Variants in ZNF548 observed in about 807,000 individuals in gnomAD.
ZNF548 encodes the protein zinc finger protein 548.
Under a neutral mutation model 10.2 loss-of-function variants are expected in ZNF548, and 10 were observed. The observed-to-expected ratio is 0.98, with a 90% CI of 0.60 to 1.66. The LOEUF (loss-of-function observed/expected upper bound fraction) is 1.66, where lower values mean the gene tolerates loss of function less well. Among genes scored for constraint, ZNF548 ranks in the 40% most tolerant of loss-of-function variants. The pLI is 0.00. For missense variants in ZNF548, 599 were observed against 657.0 expected, an observed-to-expected ratio of 0.91 and a Z score of 0.97; for synonymous variants, 217 against 223.5, an observed-to-expected ratio of 0.97 and a Z score of 0.26.
rs2088610109 is a variant in ZNF548 at position 57,389,941 on chromosome 19, C to G, written c.-159C>G. 1.1e-6 allele frequency: 1 copy of G among 878,840 alleles called. No individual in the cohort carries two copies. Among genetic ancestry groups the G allele is most frequent in the Non-Finnish European group, 1.7e-6 (1 of 588,710 alleles). The allele number at this position is 878,840 out of a possible 1,614,324, so 54.4% of individuals were successfully genotyped here. On this transcript the variant is annotated 5_prime_UTR_variant, in exon 1 of 4. Coordinates refer to ENST00000336128, the MANE Select transcript of ZNF548 (RefSeq NM_001172773.2). ...GGCCTATGGCTCTGTCTGACGTCAC[C>G]GAAGTGACGGAACGGAAAAGCGCGA...
chr19:57,398,774 C>A lies in ZNF548; in HGVS notation c.523C>A (p.Pro175Thr). The A allele has an allele frequency of 6.2e-7, 1 of 1,614,014 alleles. No individual in the cohort carries two copies. Among genetic ancestry groups the A allele is most frequent in the Non-Finnish European group, 8.5e-7 (1 of 1,179,900 alleles). The change falls in exon 4 of 4, where the codon CCA becomes ACA. Residue 175 changes from proline (P) to threonine (T), a missense_variant. By Grantham distance (38) the Pro-to-Thr change is conservative. Transcript: ENST00000336128. The stretch of plus-strand genomic sequence containing the variant: ...ATGCATGGAGGGCTGGAAGGACTTA[C>A]CAGCCACCTCATGCCTTCTCCAGCA... ...FTCMEGWKDL[P>T]ATSCLLQHQG... is the part of the protein sequence containing the mutation.
rs2088690028 is a variant in ZNF548, at chr19:57,399,011, A to G, written c.760A>G (p.Lys254Glu). 6.2e-7 allele frequency: 1 copy of G among 1,614,038 alleles called. No homozygotes were observed. The change falls in exon 4 of 4, where the codon AAA becomes GAA. Residue 254 changes from lysine (K) to glutamate (E), a missense_variant. Lys to Glu is a moderately conservative substitution (Grantham distance 56). Transcript: ENST00000336128. The surrounding 1 kb of genome is among the most constrained non-coding windows in gnomAD (Gnocchi z 4.0). ...CTTTAAGTACAGTGCCAATTTCATG[A>G]AACATCAGACAGTTCACACTAGTGA... Reference protein sequence around the residue: ...KFFKYSANFMKHQTVHTSERT... With the variant: ...KFFKYSANFMEHQTVHTSERT...
In ZNF548 at chr19:57,401,249, C is replaced by T. The variant is rs2097984762; in HGVS notation, c.*1360C>T. 6.6e-6 allele frequency: 1 copy of T among 152,018 alleles called. No individual in the cohort carries two copies. The highest frequency in any genetic ancestry group is 2.4e-5 in the African/African-American group (1 of 41,388). 9.4% of individuals were successfully genotyped at this position (152,018 alleles called of 1,614,324 possible). ...GTCTGTGGGTTCTGTATTCATGGAT[C>T]GAAGCAACCATGGATCAAAAGTATT... On this transcript the variant is annotated 3_prime_UTR_variant, in exon 4 of 4. Transcript: ENST00000336128.
Position 57,390,033 on chromosome 19 carries a change from C to G in ZNF548, c.-67C>G. The G allele has an allele frequency of 6.3e-7, 1 of 1,581,660 alleles. No homozygotes were observed. Among genetic ancestry groups the G allele is most frequent in the Non-Finnish European group, 8.6e-7 (1 of 1,164,090 alleles). The stretch of plus-strand genomic sequence containing the variant: ...AACTGACAAGCGCTGGGGACAGTGG[C>G]GTCCTTGTCTTGCCTTTGTCGCTCC... On this transcript the variant is annotated 5_prime_UTR_variant, in exon 1 of 4. Coordinates refer to ENST00000336128, the MANE Select transcript of ZNF548 (RefSeq NM_001172773.2).
In ZNF548 at chr19:57,399,856, CAG is replaced by C; in HGVS notation, c.1609_1610del (p.Asp537PhefsTer15). Reference protein sequence around the residue: ...LAKTPTSLNIRDFTMEKVYH With the variant: ...LAKTPTSLNIXDFTMEKVYH The stretch of plus-strand genomic sequence containing the variant: ...CTAAAACTCCAACCTCATTAAACAT[CAG>C]AGATTTCACAATGGAGAAAGTTTAC... On this transcript the variant is annotated frameshift_variant, in exon 4 of 4. Transcript: ENST00000336128. LOFTEE classifies it high-confidence loss of function. The surrounding 1 kb of genome is among the most constrained non-coding windows in gnomAD (Gnocchi z 4.0). The C allele has an allele frequency of 6.2e-7, 1 of 1,605,782 alleles. No homozygotes were observed. The highest frequency in any genetic ancestry group is 8.5e-7 in the Non-Finnish European group (1 of 1,174,028).
intron 2 of ZNF548, 78 bp from the exon 3 acceptor site, chr19:57,396,969 AT>A: frequency 6.6e-7 from 1 of 1,519,638 alleles, no homozygotes; most frequent in Admixed American, 2.1e-5. Context: ...GGTGGTAAAT[AT>A]AAGTAGAAAA....
rs2088704513 is a variant in ZNF548 at position 57,400,244 on chromosome 19, T to A, written c.*355T>A. 1 of 197,692 alleles carries A rather than the reference T, an allele frequency of 5.1e-6. No homozygotes were observed. The highest frequency in any genetic ancestry group is 2.3e-5 in the African/African-American group (1 of 42,860). The allele number at this position is 197,692 out of a possible 1,614,324, so 12.2% of individuals were successfully genotyped here. A position where few individuals can be genotyped will look rare whatever the true frequency, so the allele number is the denominator to read the frequency against. ...TTTTAGGTGAAATAATATTCTATGG[T>A]ATTTATATACCACATTTATTTATCC... On this transcript the variant is annotated 3_prime_UTR_variant, in exon 4 of 4. Transcript: ENST00000336128.
intron 2 of ZNF548, 39 bp from the exon 3 acceptor site, chr19:57,397,009 A>G: frequency 6.3e-7 from 1 of 1,576,594 alleles, no homozygotes. Context: ...ACAGCTTGAA[A>G]AGAAGCTGCT....
Position 57,399,309 on chromosome 19 carries a change from A to T in ZNF548, c.1058A>T (p.Asp353Val), listed in dbSNP as rs751248298. Residue 353 changes from aspartate to valine, a missense_variant, in exon 4 of 4, where the codon GAT (aspartate) becomes GTT (valine). By Grantham distance (152) the Asp-to-Val change is radical. Coordinates refer to ENST00000336128, the MANE Select transcript of ZNF548 (RefSeq NM_001172773.2). The surrounding 1 kb of genome is among the most constrained non-coding windows in gnomAD (Gnocchi z 4.0). ...GGAGAAAGACCTTATAAGTGCAATG[A>T]TTGTGGGAAATTTTTTAGGTATATC... is the stretch of plus-strand genomic sequence containing the variant. The part of the protein sequence containing the change: ...HTGERPYKCN[D>V]CGKFFRYIST... The T allele has an allele frequency of 1.2e-6, 2 of 1,613,982 alleles. No individual in the cohort carries two copies. The highest frequency in any genetic ancestry group is 4.5e-5 in the East Asian group (2 of 44,876).
In ZNF548 at chr19:57,402,027, T is replaced by C. The variant is rs1157717274; in HGVS notation, c.*2138T>C. ...TTGCTGAGATTACAGGCAGGAGTTG[T>C]AATGCACTGTGCCTGGCTACATTTA... On this transcript the variant is annotated 3_prime_UTR_variant, in exon 4 of 4. Coordinates refer to ENST00000336128, the MANE Select transcript of ZNF548 (RefSeq NM_001172773.2). 1.3e-5 allele frequency: 2 copies of C among 152,196 alleles called. No homozygotes were observed. Among genetic ancestry groups the C allele is most frequent in the Non-Finnish European group, 2.9e-5 (2 of 68,036 alleles). 9.4% of individuals were successfully genotyped at this position (152,196 alleles called of 1,614,324 possible). A position where few individuals can be genotyped will look rare whatever the true frequency, so the allele number is the denominator to read the frequency against.
intron 3 of ZNF548, 35 bp downstream of exon 3, chr19:57,397,209 A>G: frequency 6.5e-7 from 1 of 1,540,222 alleles, no homozygotes; most frequent in South Asian, 1.3e-5. Context: ...GTCCTGGGTT[A>G]GGCTGTGTTA....
rs1555781019 is a variant in ZNF548 at position 57,390,105 on chromosome 19, C to G, written c.6C>G (p.Asn2Lys). 3.7e-6 allele frequency: 6 copies of G among 1,608,906 alleles called. No individual in the cohort carries two copies. Among genetic ancestry groups the G allele is most frequent in the East Asian group, 2.2e-5 (1 of 44,874 alleles). The change falls in exon 1 of 4, where the codon AAC (asparagine) becomes AAG (lysine). Residue 2 changes from asparagine (N) to lysine (K), a missense_variant. Transcript: ENST00000336128. ...GGCTGGCGGAGGCCTTGCTGATGAA[C>G]CTGACTGAGGTGGGTGTCCCGTCCC... is the stretch of plus-strand genomic sequence containing the variant. MNLTEGPLAMAE... is the reference protein window; with the variant it reads MKLTEGPLAMAE...
intron 3 of ZNF548, chr19:57,397,451 G>A (rs1600087115): frequency 4.6e-6 from 2 of 431,640 alleles, no homozygotes; most frequent in East Asian, 3.4e-5. Flanking sequence ...TCTGTCCCTG[G>A]TCAGGTTACT....
rs1168290719 is a variant in ZNF548 at position 57,399,094 on chromosome 19, G to C, written c.843G>C (p.Met281Ile). The C allele has an allele frequency of 6.2e-7, 1 of 1,614,218 alleles. No homozygotes were observed. Among genetic ancestry groups the C allele is most frequent in the Non-Finnish European group, 8.5e-7 (1 of 1,180,042 alleles). Residue 281 changes from methionine (M) to isoleucine (I), a missense_variant, in exon 4 of 4, where the codon ATG becomes ATC. By Grantham distance (10) the Met-to-Ile change is conservative. Transcript: ENST00000336128. The surrounding 1 kb of genome is among the most constrained non-coding windows in gnomAD (Gnocchi z 4.0). Reference protein sequence around the residue: ...GKSFMYNYRLMRHKRVHTGER... With the variant: ...GKSFMYNYRLIRHKRVHTGER... ...CCTTTATGTACAACTACCGACTCAT[G>C]AGACATAAGCGAGTTCACACTGGAG...
intron 1 of ZNF548, among the ~76,000 whole-genome samples, chr19:57,391,131 G>A (rs1459905402): frequency 6.6e-6 from 1 of 151,926 alleles, no homozygotes; most frequent in Admixed American, 6.6e-5. Flanking sequence ...TACCTGTTTG[G>A]AGTCTCCAAT....
chr19:57,399,969 AG>A lies in ZNF548; in HGVS notation c.*81del. Reference sequence around the variant, plus strand: ...CTCCAGAACATTTTTCCTCTTACCAAGAAGTAAAATGCTGTACCCATTAACA... The same window carrying A: ...CTCCAGAACATTTTTCCTCTTACCAAAAGTAAAATGCTGTACCCATTAACA... On this transcript the variant is annotated 3_prime_UTR_variant, in exon 4 of 4. Coordinates refer to ENST00000336128, the MANE Select transcript of ZNF548 (RefSeq NM_001172773.2). This position sits in a 1 kb window ranked among gnomAD's most constrained non-coding sequence, Gnocchi z 4.0. 8.3e-7 allele frequency: 1 copy of A among 1,205,868 alleles called. No individual in the cohort carries two copies. The highest frequency in any genetic ancestry group is 2.6e-5 in the East Asian group (1 of 39,128). 74.7% of individuals were successfully genotyped at this position (1,205,868 alleles called of 1,614,324 possible). A position where few individuals can be genotyped will look rare whatever the true frequency, so the allele number is the denominator to read the frequency against.
intron 1 of ZNF548, among the ~76,000 whole-genome samples, chr19:57,392,184 A>T (rs1466209990): frequency 6.6e-6 from 1 of 152,058 alleles, no homozygotes; most frequent in African/African-American, 2.4e-5. Flanking sequence ...TAAATTCTGG[A>T]TATTAGTACC....
intron 2 of ZNF548, among the ~76,000 whole-genome samples, chr19:57,396,503 G>A (rs2088665780): frequency 6.6e-6 from 1 of 152,238 alleles, no homozygotes; most frequent in African/African-American, 2.4e-5. Context: ...GGACAGCGAT[G>A]AGATCCTGGA....
chr19:57,397,287 G>C, intron 3 of ZNF548, 113 bp downstream of exon 3: 1 of 1,407,786 alleles, frequency 7.1e-7, no homozygotes, highest in Non-Finnish European at 9.4e-7. Context: ...TCTTTTCCCT[G>C]TTTCTTGGCA....
Sources: gnomAD v4.1 joint callset for allele counts (sites outside exome capture counted in the v4.1 genomes callset) on GRCh38, gnomAD v4.1.1 for gene constraint, Gnocchi (gnomAD v3.1) non-coding constraint, MANE v1.5 for transcripts, NCBI Gene and HGNC (gene_info 2026-07-23, HGNC 2026-07-21) for gene names.